The following C12orf60 variants were observed in gnomAD, a reference collection of about 807,000 sequenced individuals.
C12orf60 encodes chromosome 12 open reading frame 60.
For missense variants in C12orf60, 284 were observed against 283.2 expected, an observed-to-expected ratio of 1.00 and a Z score of -0.02; for synonymous variants, 102 against 94.6, an observed-to-expected ratio of 1.08 and a Z score of -0.45.
At position 14,823,422 on chromosome 12, in the gene C12orf60, G is replaced by C. The variant is rs1215041830; in HGVS notation, c.487G>C (p.Glu163Gln). 6.2e-7 allele frequency: 1 copy of C among 1,613,982 alleles called. No individual in the cohort carries two copies. The highest frequency in any genetic ancestry group is 8.5e-7 in the Non-Finnish European group (1 of 1,179,980). ...TGACTTCTATACAGAAGACACCAAA[G>C]AGCAATCAGATGTCACCACATCTGA... ...LSDFYTEDTK[E>Q]QSDVTTSERT... The change falls in exon 2 of 2, where the codon GAG becomes CAG. Residue 163 changes from glutamate to glutamine, a missense_variant. By Grantham distance (29) the Glu-to-Gln change is conservative. Coordinates refer to ENST00000330828, the MANE Select transcript of C12orf60 (RefSeq NM_175874.4).
chr12:14,814,717 C>A (rs1306479769), intron 1 of C12orf60, among the ~76,000 whole-genome samples: 2 of 152,058 alleles, frequency 1.3e-5, no homozygotes, highest in African/African-American at 4.8e-5. Context: ...ATATAAAAAC[C>A]TTAAAGTCCA....
chr12:14,806,421 A>T, intron 1 of C12orf60: 1 of 1,614,202 alleles, frequency 6.2e-7, no homozygotes, highest in Non-Finnish European at 8.5e-7. Flanking sequence ...CTTATCTTTT[A>T]GTGCTTCATC....
chr12:14,807,896 T>C (rs1950077953), intron 1 of C12orf60, among the ~76,000 whole-genome samples: 1 of 152,226 alleles, frequency 6.6e-6, no homozygotes, highest in Non-Finnish European at 1.5e-5. Flanking sequence ...CCGGGCATGG[T>C]GGCTCAGGCC....
At chr12:14,820,153 CAG>C (rs1004398456) in intron 1 of C12orf60, among the ~76,000 whole-genome samples, 3 of 152,052 alleles carry the variant, frequency 2.0e-5, no homozygotes, top group African/African-American at 7.2e-5. Context: ...TTTATGCACT[CAG>C]AGTTGTTTAT....
chr12:14,822,389 G>T (rs570045040), intron 1 of C12orf60, among the ~76,000 whole-genome samples: 10 of 152,028 alleles, frequency 6.6e-5, no homozygotes, highest in African/African-American at 2.4e-4. Context: ...GAGCTTCATT[G>T]CTTTATTGTC....
chr12:14,806,083 C>T, intron 1 of C12orf60: 2 of 1,614,182 alleles, frequency 1.2e-6, no homozygotes, highest in Non-Finnish European at 1.7e-6. Context: ...TTGAACTCCA[C>T]CAGATGCTTC....
chr12:14,823,797 C>A lies in C12orf60; in HGVS notation c.*124C>A. 2 of 806,394 alleles carry A rather than the reference C, an allele frequency of 2.5e-6. No individual in the cohort carries two copies. The highest frequency in any genetic ancestry group is 1.8e-6 in the Non-Finnish European group (1 of 565,058). 50.0% of individuals were successfully genotyped at this position (806,394 alleles called of 1,614,324 possible). ...TGTTAGAACATAAGTACACAAAAGTCATCTGGCAAAACATTTACCTGTAGT... is the reference window on the plus strand; with the variant it reads ...TGTTAGAACATAAGTACACAAAAGTAATCTGGCAAAACATTTACCTGTAGT... On this transcript the variant is annotated 3_prime_UTR_variant, in exon 2 of 2. Coordinates refer to ENST00000330828, the MANE Select transcript of C12orf60 (RefSeq NM_175874.4).
chr12:14,817,803 G>T (rs1313470622), intron 1 of C12orf60, among the ~76,000 whole-genome samples: 1 of 152,152 alleles, frequency 6.6e-6, no homozygotes, highest in Non-Finnish European at 1.5e-5. Context: ...ATGTGCATGT[G>T]TCTTCATAGT....
intron 1 of C12orf60, among the ~76,000 whole-genome samples, chr12:14,803,972 T>C (rs1160252719): frequency 6.6e-6 from 1 of 152,082 alleles, no homozygotes; most frequent in Non-Finnish European, 1.5e-5. Context: ...TGTGAGCGCC[T>C]AGTACGTGTG....
At chr12:14,814,565 C>T (rs1327680643) in intron 1 of C12orf60, among the ~76,000 whole-genome samples, 1 of 152,118 alleles carries the variant, frequency 6.6e-6, no homozygotes, top group Non-Finnish European at 1.5e-5. Flanking sequence ...TGCATTTGCA[C>T]CTCTAACTGT....
chr12:14,818,575 T>C (rs1185681587), intron 1 of C12orf60, among the ~76,000 whole-genome samples: 2 of 152,088 alleles, frequency 1.3e-5, no homozygotes, highest in Non-Finnish European at 2.9e-5. Context: ...GGTCAGGAGA[T>C]GGAGACCATC....
At chr12:14,803,784 G>C in intron 1 of C12orf60, 33 bp downstream of exon 1, 1 of 316,242 alleles carries the variant, frequency 3.2e-6, no homozygotes, top group Admixed American at 5.0e-5. Context: ...GGTACATTCT[G>C]CAGATAAAGA....
chr12:14,823,690 T>C lies in C12orf60; in HGVS notation c.*17T>C. The C allele has an allele frequency of 6.6e-7, 1 of 1,520,094 alleles. No homozygotes were observed. Among genetic ancestry groups the C allele is most frequent in the Non-Finnish European group, 8.8e-7 (1 of 1,138,456 alleles). The allele number at this position is 1,520,094 out of a possible 1,614,324, so 94.2% of individuals were successfully genotyped here. A position where few individuals can be genotyped will look rare whatever the true frequency, so the allele number is the denominator to read the frequency against. Reference sequence around the variant, plus strand: ...GACAAGTAGGGATGCAACAGAAATGTTCATTTCTGTCAGAAAACTACTTAA... The same window carrying C: ...GACAAGTAGGGATGCAACAGAAATGCTCATTTCTGTCAGAAAACTACTTAA... On this transcript the variant is annotated 3_prime_UTR_variant, in exon 2 of 2. Coordinates refer to ENST00000330828, the MANE Select transcript of C12orf60 (RefSeq NM_175874.4).
Position 14,806,079 on chromosome 12 carries a change from T to C in C12orf60, c.-25+2328T>C. The C allele has an allele frequency of 1.9e-6, 3 of 1,614,204 alleles. No homozygotes were observed. In the South Asian group the frequency reaches 3.3e-5, roughly 18 times the overall value. On this transcript the variant is annotated intron_variant, in intron 1 of 1. Transcript: ENST00000330828. ...ATATTTTTCTGAGGCTGATTTGAAC[T>C]CCACCAGATGCTTCTCATAACTTTT...
chr12:14,822,297 G>T (rs1950318246), intron 1 of C12orf60, among the ~76,000 whole-genome samples: 1 of 150,708 alleles, frequency 6.6e-6, no homozygotes. Flanking sequence ...GGGATATATA[G>T]GAAGCAGGAG....
At chr12:14,818,400 A>G (rs906105593) in intron 1 of C12orf60, among the ~76,000 whole-genome samples, 3 of 152,218 alleles carry the variant, frequency 2.0e-5, no homozygotes, top group South Asian at 2.1e-4. Flanking sequence ...GCCCATGCCT[A>G]TGTCCTGAAT....
intron 1 of C12orf60, among the ~76,000 whole-genome samples, chr12:14,817,083 C>T (rs1204456857): frequency 1.3e-5 from 2 of 151,962 alleles, no homozygotes; most frequent in East Asian, 1.9e-4. Flanking sequence ...GCCAATTTAT[C>T]GTTTTTTCTT....
At chr12:14,815,773 C>T (rs1178566731) in intron 1 of C12orf60, among the ~76,000 whole-genome samples, 4 of 152,106 alleles carry the variant, frequency 2.6e-5, no homozygotes, top group Non-Finnish European at 5.9e-5. Context: ...CATTTTGTTT[C>T]CGAAGAGGCT....
At chr12:14,821,811 T>C (rs1950309596) in intron 1 of C12orf60, among the ~76,000 whole-genome samples, 1 of 151,956 alleles carries the variant, frequency 6.6e-6, no homozygotes. Context: ...GGTTCTCACC[T>C]GGGGGCAAAG....
Sources: allele counts gnomAD v4.1 joint callset (sites outside exome capture counted in the v4.1 genomes callset), GRCh38; gene constraint gnomAD v4.1.1; transcripts MANE v1.5; gene names NCBI Gene and HGNC (gene_info 2026-07-23, HGNC 2026-07-21).